Variants in FBXL18 observed in about 807,000 individuals in gnomAD.
The protein encoded by FBXL18 is F-box/LRR-repeat protein 18.
Under a neutral mutation model 46.0 loss-of-function variants are expected in FBXL18, and 36 were observed. The ratio of observed to expected loss-of-function variants is 0.78; its 90% CI spans 0.60 to 1.03. FBXL18 has a LOEUF of 1.03. Among genes scored for constraint, FBXL18 ranks in the 50% least tolerant of loss-of-function variants. FBXL18 has a pLI of 0.00. For synonymous variants in FBXL18, 557 were observed against 465.3 expected (o/e 1.20, Z -2.54); for missense variants, 977 against 1,004.1 (o/e 0.97, Z 0.36).
At chr7:5,485,030 C>G (rs58894672) in intron 4 of FBXL18, among the ~76,000 whole-genome samples, 4,154 of 152,244 alleles carry the variant, frequency 0.027, 194 homozygotes, top group African/African-American at 0.094. Context: ...AATCCTCCCC[C>G]CTTGGCCTCC....
intron 4 of FBXL18, among the ~76,000 whole-genome samples, chr7:5,490,731 G>A (rs1443549481): frequency 2.0e-5 from 3 of 152,182 alleles, no homozygotes; most frequent in East Asian, 3.9e-4. Context: ...TTGGGAGGCC[G>A]AGGCAGGCGG....
chr7:5,500,847 C>T lies in FBXL18; in HGVS notation c.1422G>A (p.Val474=), dbSNP rs1439015429. Residue 474 remains valine, a synonymous_variant, in exon 3 of 5, where the codon GTG becomes GTA. Coordinates refer to ENST00000382368, the MANE Select transcript of FBXL18 (RefSeq NM_024963.6). ...SGQACPQPSS[V]FWSLLKNLPF... ...GCAGGTTCTTCAGCAGAGACCAGAA[C>T]ACGGAGGAGGGCTGGGGGCACGCCT... 2.5e-6 allele frequency: 4 copies of T among 1,609,696 alleles called. No individual in the cohort carries two copies. The African/African-American group carries it at 4.0e-5, about 16-fold the overall frequency.
intron 4 of FBXL18, among the ~76,000 whole-genome samples, chr7:5,456,413 C>T (rs1159055090): frequency 1.3e-5 from 2 of 152,232 alleles, no homozygotes; most frequent in Non-Finnish European, 1.5e-5. Flanking sequence ...GATGTGCTCG[C>T]ACAGAAACCC....
intron 4 of FBXL18, among the ~76,000 whole-genome samples, chr7:5,463,972 C>T (rs1000098776): frequency 2.0e-5 from 3 of 151,748 alleles, no homozygotes; most frequent in Non-Finnish European, 2.9e-5. Flanking sequence ...AACTACTGAC[C>T]TCATGATCCA....
chr7:5,486,177 G>GA (rs1388698303), intron 4 of FBXL18, among the ~76,000 whole-genome samples: 1 of 150,072 alleles, frequency 6.7e-6, no homozygotes, highest in East Asian at 2.0e-4. Flanking sequence ...CTTGAACCTG[G>GA]AAGGCAGAGG....
intron 4 of FBXL18, among the ~76,000 whole-genome samples, chr7:5,485,633 C>T (rs1228456177): frequency 6.6e-6 from 1 of 152,020 alleles, no homozygotes; most frequent in Non-Finnish European, 1.5e-5. Context: ...GGGGGCTAGG[C>T]ATGGTGGCTC....
At chr7:5,469,545 G>GGT (rs964675642) in intron 4 of FBXL18, among the ~76,000 whole-genome samples, 2 of 151,914 alleles carry the variant, frequency 1.3e-5, no homozygotes, top group South Asian at 4.1e-4. Flanking sequence ...TCAGTGTGTG[G>GGT]GTGTGTGTGG....
chr7:5,467,050 C>T (rs558051722), intron 4 of FBXL18, among the ~76,000 whole-genome samples: 3 of 152,208 alleles, frequency 2.0e-5, no homozygotes, highest in Non-Finnish European at 2.9e-5. Context: ...AACCCTGTCT[C>T]GATTAAAAAT....
rs759380957 is a variant in FBXL18, at chr7:5,500,712, G to A, written c.1557C>T (p.Val519=). 6 of 1,611,468 alleles carry A rather than the reference G, an allele frequency of 3.7e-6. No individual in the cohort carries two copies. Among genetic ancestry groups the A allele is most frequent in the Middle Eastern group, 1.6e-4 (1 of 6,078 alleles). Residue 519 remains valine (V), a synonymous_variant, in exon 3 of 5, where the codon GTC becomes GTT. Coordinates refer to ENST00000382368, the MANE Select transcript of FBXL18 (RefSeq NM_024963.6). ...SLPPCSRAQS[V]GDSEVAAIGQ... is the part of the protein sequence containing the mutation. ...CGATGGCGGCCACCTCCGAGTCCCCGACACTCTGTGCGCGGCTGCAGGGTG... is the reference window on the plus strand; with the variant it reads ...CGATGGCGGCCACCTCCGAGTCCCCAACACTCTGTGCGCGGCTGCAGGGTG...
intron 4 of FBXL18, chr7:5,489,907 T>C (rs1278318023): frequency 9.4e-7 from 1 of 1,067,612 alleles, no homozygotes; most frequent in Admixed American, 2.6e-5. Context: ...ATCCCGCCAC[T>C]GCACTCCAGC....
At chr7:5,487,098 A>G (rs1047514111) in intron 4 of FBXL18, among the ~76,000 whole-genome samples, 8 of 152,254 alleles carry the variant, frequency 5.3e-5, no homozygotes, top group African/African-American at 1.7e-4. Flanking sequence ...TGCAAAGGCC[A>G]GAGCTGCAGG....
chr7:5,506,458 T>C (rs753798867), intron 1 of FBXL18, among the ~76,000 whole-genome samples: 3 of 151,678 alleles, frequency 2.0e-5, no homozygotes, highest in Non-Finnish European at 4.4e-5. Context: ...TTTCACCATG[T>C]TGGCCAATCA....
chr7:5,497,964 C>T (rs548087884), intron 3 of FBXL18, among the ~76,000 whole-genome samples: 2 of 152,268 alleles, frequency 1.3e-5, no homozygotes, highest in Non-Finnish European at 2.9e-5. Flanking sequence ...CTCACAGAGA[C>T]ACCAGCTCAC....
rs566899520 is a variant in FBXL18 at position 5,496,862 on chromosome 7, C to T, written c.1781+3626G>A. Among the ~76,000 whole-genome samples, 1 of 151,794 alleles carries T rather than the reference C, an allele frequency of 6.6e-6. No homozygotes were observed. Among genetic ancestry groups the T allele is most frequent in the Non-Finnish European group, 1.5e-5 (1 of 67,912 alleles). On this transcript the variant is annotated intron_variant, in intron 3 of 4. Coordinates refer to ENST00000382368, the MANE Select transcript of FBXL18 (RefSeq NM_024963.6). This position sits in a 1 kb window ranked among gnomAD's most constrained non-coding sequence, Gnocchi z 4.8. ...CCAACATGGTGAAACCCCGTCTCTA[C>T]TAAAAATACAAAAAAAAAATTAGCC...
At chr7:5,502,753 G>A (rs1213913713) in intron 2 of FBXL18, among the ~76,000 whole-genome samples, 1 of 151,882 alleles carries the variant, frequency 6.6e-6, no homozygotes, top group African/African-American at 2.4e-5. Context: ...GCTTGAACCT[G>A]GGAGGCAGAG....
At chr7:5,465,818 A>AT (rs1783332997) in intron 4 of FBXL18, among the ~76,000 whole-genome samples, 1 of 145,888 alleles carries the variant, frequency 6.9e-6, no homozygotes, top group African/African-American at 2.7e-5. Flanking sequence ...GTACCTCCTA[A>AT]ATTTTTTTTT....
intron 4 of FBXL18, among the ~76,000 whole-genome samples, chr7:5,461,559 C>T (rs886152923): frequency 2.6e-5 from 4 of 152,150 alleles, no homozygotes; most frequent in African/African-American, 9.7e-5. Context: ...GGGAGGATTG[C>T]TTACACCCAG....
In FBXL18 at chr7:5,504,813, G is replaced by A. The variant is rs1238327507; in HGVS notation, c.237+599C>T. ...CGCCTGTAGTCCCAGGTACTCGGGA[G>A]GCTGAGGCAGGAGAATGGTGTGAAC... On this transcript the variant is annotated intron_variant, in intron 2 of 4. Transcript: ENST00000382368. Among the ~76,000 whole-genome samples the A allele has an allele frequency of 8.2e-5, 12 of 147,228 alleles. No homozygotes were observed. The Admixed American group carries it at 8.2e-4, about 10-fold the overall frequency.
intron 3 of FBXL18, among the ~76,000 whole-genome samples, chr7:5,493,451 G>A (rs535152252): frequency 7.3e-4 from 110 of 151,484 alleles, no homozygotes; most frequent in African/African-American, 2.4e-3. Context: ...GCCTGCCACC[G>A]CACCCAGCTA....
Sources: allele counts gnomAD v4.1 joint callset (sites outside exome capture counted in the v4.1 genomes callset), GRCh38; gene constraint gnomAD v4.1.1; non-coding constraint Gnocchi (gnomAD v3.1); transcripts MANE v1.5; gene names NCBI Gene and HGNC (gene_info 2026-07-23, HGNC 2026-07-21).